The following USP39 variants were observed in gnomAD, a reference collection of about 807,000 sequenced individuals.
The protein encoded by USP39 is ubiquitin carboxyl-terminal hydrolase 39.
USP39 carries 38 observed loss-of-function variants against 66.4 expected under a neutral mutation model. The observed-to-expected ratio is 0.57, with a 90% CI of 0.44 to 0.75. The LOEUF (loss-of-function observed/expected upper bound fraction) is 0.75, where lower values mean the gene tolerates loss of function less well. Ranked by LOEUF, USP39 falls within the 30% of genes least tolerant of loss-of-function variation. The probability of loss-of-function intolerance (pLI) is 0.00; values close to 1 mark genes in which losing one functional copy is unlikely to be tolerated. For missense variants in USP39, 608 were observed against 714.4 expected (o/e 0.85, Z 1.70); for synonymous variants, 303 against 274.6 (o/e 1.10, Z -1.02).
At chr2:85,619,989 G>A (rs1674331081) in intron 2 of USP39, among the ~76,000 whole-genome samples, 1 of 151,890 alleles carries the variant, frequency 6.6e-6, no homozygotes, top group Admixed American at 6.6e-5. Flanking sequence ...TGAGTAGCTG[G>A]GATTACAGGT....
chr2:85,610,558 A>C (rs1316088607), upstream of USP39: 1 of 152,186 alleles, frequency 6.6e-6, no homozygotes, highest in African/African-American at 2.4e-5. Context: ...TGTGAAACAG[A>C]CAGAAGCTTT....
chr2:85,608,194 G>C (rs1159804681), upstream of USP39: 2 of 152,186 alleles, frequency 1.3e-5, no homozygotes, highest in Non-Finnish European at 2.9e-5. Flanking sequence ...TTTCAGTTTA[G>C]CACCAACATC....
chr2:85,609,332 C>G (rs574973523), upstream of USP39: 14 of 1,482,422 alleles, frequency 9.4e-6, no homozygotes, highest in African/African-American at 1.4e-5. Flanking sequence ...GTGGAGCAGA[C>G]GCTTCCCATT....
chr2:85,633,419 G>A (rs905481047), intron 6 of USP39, among the ~76,000 whole-genome samples: 3 of 152,016 alleles, frequency 2.0e-5, no homozygotes, highest in African/African-American at 4.8e-5. Flanking sequence ...CACCATGCCC[G>A]GCCTCATTGA....
At position 85,619,283 on chromosome 2, in the gene USP39, T is replaced by A. The variant is rs2104227846; in HGVS notation, c.332T>A (p.Ile111Asn). ...CGCCACTGCCCGTACCTGGACACCA[T>A]TAACAGGTCAGTAGGACAGAGATGC... The part of the protein sequence containing the change: ...RSRHCPYLDT[I>N]NRSVLDFDFE... The change falls in exon 2 of 13, where the codon ATT (isoleucine) becomes AAT (asparagine). Residue 111 changes from isoleucine to asparagine, a missense_variant. Ile to Asn is a moderately radical substitution (Grantham distance 149). Around this residue, in one of 6 missense-constraint regions of USP39, gnomAD observed 115 missense variants for 198.6 expected, o/e 0.58. Transcript: ENST00000323701. 2 of 1,613,578 alleles carry A rather than the reference T, an allele frequency of 1.2e-6. No individual in the cohort carries two copies. Among genetic ancestry groups the A allele is most frequent in the East Asian group, 2.2e-5 (1 of 44,878 alleles).
At chr2:85,629,821 A>G (rs1002813453) in intron 5 of USP39, among the ~76,000 whole-genome samples, 4 of 151,722 alleles carry the variant, frequency 2.6e-5, no homozygotes, top group Admixed American at 1.3e-4. Context: ...ATAACAGAGT[A>G]TATTTACTTT....
intron 1 of USP39, among the ~76,000 whole-genome samples, chr2:85,603,734 A>AGGC (rs954850612): frequency 3.3e-5 from 5 of 151,472 alleles, no homozygotes; most frequent in African/African-American, 1.2e-4. Flanking sequence ...TGGGAACTAC[A>AGGC]GGCGCCCGCC....
At chr2:85,625,301 G>A (rs6718968) in intron 4 of USP39, among the ~76,000 whole-genome samples, 2,438 of 152,264 alleles carry the variant, frequency 0.016, 59 homozygotes, top group African/African-American at 0.056. Context: ...TGAGGTCGGC[G>A]AAAAGACCTG....
At chr2:85,645,537 C>T (rs746076845) in intron 11 of USP39, among the ~76,000 whole-genome samples, 1 of 152,138 alleles carries the variant, frequency 6.6e-6, no homozygotes, top group Non-Finnish European at 1.5e-5. Flanking sequence ...CCACCTCGGC[C>T]TCCCAAAGTG....
chr2:85,639,384 C>G lies in USP39; in HGVS notation c.1277C>G (p.Thr426Ser). 1 of 1,613,610 alleles carries G rather than the reference C, an allele frequency of 6.2e-7. No individual in the cohort carries two copies. Among genetic ancestry groups the G allele is most frequent in the East Asian group, 2.2e-5 (1 of 44,874 alleles). ...ATCCTGGCTAAGTTCAATGGCATCA[C>G]TGAGAAGGTAGCCCATTAACACACC... Reference protein sequence around the residue: ...FNILAKFNGITEKEYKTYKEN... With the variant: ...FNILAKFNGISEKEYKTYKEN... Residue 426 changes from threonine (T) to serine (S), a missense_variant, in exon 9 of 13, where the codon ACT becomes AGT. Thr to Ser is a moderately conservative substitution (Grantham distance 58, BLOSUM62 1). Transcript: ENST00000323701.
In USP39 at chr2:85,606,073, C is replaced by T. The variant is rs80141585; in HGVS notation, n.226+2992C>T. Among the ~76,000 whole-genome samples, 504 of 152,238 alleles carry T rather than the reference C, an allele frequency of 3.3e-3. 4 individuals carry two copies. Among genetic ancestry groups the T allele is most frequent in the African/African-American group, 0.012 (494 of 41,522 alleles). ...TATCAGTGACATCACCCATTGTGGCCGAGGAACCACAAAACCTTAAAATAC... is the reference window on the plus strand; with the variant it reads ...TATCAGTGACATCACCCATTGTGGCTGAGGAACCACAAAACCTTAAAATAC... On this transcript the variant is annotated intron_variant and non_coding_transcript_variant, in intron 1 of 12. Coordinates refer to the USP39 transcript ENST00000459775.
chr2:85,629,350 C>T (rs190764164), intron 5 of USP39, among the ~76,000 whole-genome samples: 56 of 151,884 alleles, frequency 3.7e-4, no homozygotes, highest in Non-Finnish European at 6.8e-4. Context: ...CGTGAACCAT[C>T]GCGCCTAGAC....
intron 9 of USP39, 50 bp downstream of exon 9, chr2:85,639,441 A>T: frequency 1.4e-6 from 2 of 1,423,184 alleles, no homozygotes; most frequent in Admixed American, 2.4e-5. Flanking sequence ...CGCTCTCTCG[A>T]CTTTTTCATT....
At chr2:85,634,215 G>A (rs866836002) in intron 6 of USP39, among the ~76,000 whole-genome samples, 1 of 152,030 alleles carries the variant, frequency 6.6e-6, no homozygotes, top group African/African-American at 2.4e-5. Flanking sequence ...GGCCCATGGA[G>A]CACTTGTTTC....
intron 5 of USP39, among the ~76,000 whole-genome samples, chr2:85,627,040 C>T (rs1166905198): frequency 1.3e-5 from 2 of 151,804 alleles, no homozygotes; most frequent in Non-Finnish European, 2.9e-5. Context: ...AGCCACCGTG[C>T]CCATCCCTTA....
At chr2:85,638,859 G>C (rs1379902815) in intron 8 of USP39, among the ~76,000 whole-genome samples, 1 of 146,864 alleles carries the variant, frequency 6.8e-6, no homozygotes, top group African/African-American at 2.6e-5. Context: ...TTTTTGTAGA[G>C]ATGGAGTCTC....
upstream of USP39, chr2:85,607,126 T>C: frequency 1.3e-5 from 2 of 152,152 alleles, 1 homozygote; most frequent in Middle Eastern, 6.3e-3. Flanking sequence ...TTCTGAATTG[T>C]GTAATAAAAC....
intron 6 of USP39, among the ~76,000 whole-genome samples, chr2:85,635,443 C>A (rs767610185): frequency 6.6e-6 from 1 of 152,060 alleles, no homozygotes; most frequent in East Asian, 1.9e-4. Context: ...ACCTGTAATC[C>A]CAGCTACTCA....
At chr2:85,612,245 T>G (rs965870209), upstream of USP39, 14 of 1,371,832 alleles carry the variant, frequency 1.0e-5, no homozygotes, top group Non-Finnish European at 1.3e-5. Flanking sequence ...TTTCGTAACA[T>G]ATCAATAGGA....
Sources: allele counts gnomAD v4.1 joint callset (sites outside exome capture counted in the v4.1 genomes callset), GRCh38; gene constraint gnomAD v4.1.1; regional missense constraint gnomAD v4.1.1; transcripts MANE v1.5; gene names NCBI Gene and HGNC (gene_info 2026-07-23, HGNC 2026-07-21).